Variants in CNTN5 observed in about 807,000 individuals in gnomAD.
CNTN5 encodes contactin-5.
Under a neutral mutation model 129.1 loss-of-function variants are expected in CNTN5, and 77 were observed. The ratio of observed to expected loss-of-function variants is 0.60; its 90% CI spans 0.50 to 0.72. The LOEUF (loss-of-function observed/expected upper bound fraction) is 0.72. CNTN5 is among the 30% of genes least tolerant of loss of function. The pLI, the probability that CNTN5 is intolerant of heterozygous loss-of-function variation, is 0.00. For missense variants in CNTN5, 1,478 were observed against 1,328.8 expected (o/e 1.11, Z -1.75); for synonymous variants, 509 against 465.6 (o/e 1.09, Z -1.20).
chr11:99,910,695 A>G (rs1053950946), intron 6 of CNTN5, among the ~76,000 whole-genome samples: 1 of 152,124 alleles, frequency 6.6e-6, no homozygotes, highest in African/African-American at 2.4e-5. Context: ...ATTAGTATCT[A>G]CTTCCAGGAA....
chr11:99,550,645 T>A (rs1355256196), intron 2 of CNTN5, among the ~76,000 whole-genome samples: 1 of 152,162 alleles, frequency 6.6e-6, no homozygotes, highest in African/African-American at 2.4e-5. Flanking sequence ...CCTTATCACA[T>A]GCAAGTGGGA....
intron 6 of CNTN5, among the ~76,000 whole-genome samples, chr11:99,848,948 A>G (rs909953802): frequency 2.6e-5 from 4 of 152,300 alleles, no homozygotes; most frequent in African/African-American, 9.6e-5. Flanking sequence ...TGTTATATCA[A>G]TGATACTTTC....
chr11:100,147,949 C>T (rs908594497), intron 13 of CNTN5, among the ~76,000 whole-genome samples: 9 of 152,004 alleles, frequency 5.9e-5, no homozygotes, highest in Non-Finnish European at 1.3e-4. Context: ...GTTTGAAACC[C>T]TAAAGCTTTT....
chr11:100,111,454 C>A (rs922344793), intron 13 of CNTN5, among the ~76,000 whole-genome samples: 1 of 152,170 alleles, frequency 6.6e-6, no homozygotes, highest in African/African-American at 2.4e-5. Context: ...AGACACAAAT[C>A]TGTCCCTGAA....
intron 9 of CNTN5, among the ~76,000 whole-genome samples, chr11:100,040,607 G>T (rs989175646): frequency 2.6e-5 from 4 of 152,212 alleles, no homozygotes; most frequent in African/African-American, 9.6e-5. Context: ...TTGAGCTGTG[G>T]TGGGCTCCAC....
intron 2 of CNTN5, among the ~76,000 whole-genome samples, chr11:99,463,108 AAAATAAATAAATAAAT>A (rs376289717): frequency 4.1e-5 from 5 of 121,118 alleles, no homozygotes; most frequent in African/African-American, 1.6e-4. Context: ...ACTCCATCTC[AAAATAAATAAATAAAT>A]AAATAAATAA....
chr11:99,656,364 C>T lies in CNTN5; in HGVS notation c.55+100095C>T, dbSNP rs141862401. ...TATTTTTTTTCCCTCAGGAAATTTT[C>T]CAGATCACAAAGTAGAAACTGTTGG... On this transcript the variant is annotated intron_variant, in intron 3 of 24. Transcript: ENST00000524871. Among the ~76,000 whole-genome samples, 8 of 152,162 alleles carry T rather than the reference C, an allele frequency of 5.3e-5. No individual in the cohort carries two copies. The East Asian group carries it at 1.5e-3, about 29-fold the overall frequency.
At chr11:99,942,463 G>C (rs1237764572) in intron 7 of CNTN5, among the ~76,000 whole-genome samples, 1 of 152,002 alleles carries the variant, frequency 6.6e-6, no homozygotes, top group Non-Finnish European at 1.5e-5. Context: ...ACTGGTGCAC[G>C]AGTTAATGAT....
rs148574648 is a variant in CNTN5 at position 100,283,932 on chromosome 11, C to T, written c.2314+12691C>T. On this transcript the variant is annotated intron_variant, in intron 18 of 24. Transcript: ENST00000524871. ...TTGCACTCCATCCTGGGTGACATAG[C>T]GAGACTCTGTCTCAAAAAAATAAAA... 1.7e-4 allele frequency among the ~76,000 whole-genome samples: 26 copies of T among 152,084 alleles called. No homozygotes were observed. In the East Asian group the frequency reaches 5.0e-3, roughly 29 times the overall value.
intron 21 of CNTN5, among the ~76,000 whole-genome samples, chr11:100,320,062 G>C (rs1021408961): frequency 1.3e-5 from 2 of 152,068 alleles, no homozygotes; most frequent in African/African-American, 4.8e-5. Flanking sequence ...CATTTTATTC[G>C]AATATATACC....
chr11:100,196,507 T>A (rs991256802), intron 15 of CNTN5, among the ~76,000 whole-genome samples: 3 of 152,022 alleles, frequency 2.0e-5, no homozygotes, highest in African/African-American at 7.2e-5. Flanking sequence ...CACATCTATA[T>A]ACAATGCACA....
intron 2 of CNTN5, among the ~76,000 whole-genome samples, chr11:99,350,226 A>T (rs184405205): frequency 1.1e-4 from 16 of 152,310 alleles, no homozygotes. Flanking sequence ...ATTGCTATGT[A>T]TATGAAAAGT....
At chr11:99,818,249 T>C (rs533765234) in intron 3 of CNTN5, among the ~76,000 whole-genome samples, 6 of 147,048 alleles carry the variant, frequency 4.1e-5, no homozygotes, top group South Asian at 4.4e-4. Context: ...CCAGATACTC[T>C]GAACAAAACT....
chr11:99,029,611 T>G (rs1393580532), intron 1 of CNTN5, among the ~76,000 whole-genome samples: 1 of 152,046 alleles, frequency 6.6e-6, no homozygotes, highest in African/African-American at 2.4e-5. Context: ...AAAACAAATG[T>G]GTAGGAAAAC....
chr11:100,300,788 G>A (rs923530666), intron 20 of CNTN5, among the ~76,000 whole-genome samples: 1 of 151,542 alleles, frequency 6.6e-6, no homozygotes. Context: ...ATTCTGATGA[G>A]ATACCAATTG....
chr11:99,656,210 G>T (rs193093913), intron 3 of CNTN5, among the ~76,000 whole-genome samples: 1 of 151,940 alleles, frequency 6.6e-6, no homozygotes, highest in Non-Finnish European at 1.5e-5. Context: ...AAAATGAATT[G>T]TAAGGTATGA....
intron 2 of CNTN5, among the ~76,000 whole-genome samples, chr11:99,483,010 C>T (rs1047449125): frequency 1.3e-5 from 2 of 151,566 alleles, no homozygotes; most frequent in African/African-American, 4.8e-5. Flanking sequence ...CCTGTCTCTA[C>T]TAAAAATACA....
At chr11:100,034,321 A>G (rs1941870214) in intron 9 of CNTN5, among the ~76,000 whole-genome samples, 1 of 152,200 alleles carries the variant, frequency 6.6e-6, no homozygotes, top group African/African-American at 2.4e-5. Context: ...TTATTATCTA[A>G]CTGTGTAAGC....
intron 1 of CNTN5, among the ~76,000 whole-genome samples, chr11:99,087,156 A>G (rs1866038683): frequency 6.6e-6 from 1 of 152,244 alleles, no homozygotes; most frequent in Non-Finnish European, 1.5e-5. Context: ...TGCCAAGCAC[A>G]TAGATTTAGA....
Sources: allele counts gnomAD v4.1 joint callset (sites outside exome capture counted in the v4.1 genomes callset), GRCh38; gene constraint gnomAD v4.1.1; transcripts MANE v1.5; gene names NCBI Gene and HGNC (gene_info 2026-07-23, HGNC 2026-07-21).